ZFTRAF1: variants seen among roughly 807,000 people sequenced by gnomAD.
The protein encoded by ZFTRAF1 is zinc finger TRAF-type and ring finger containing 1, also known as zinc finger TRAF-type-containing protein 1.
chr8:144,451,297 G>C, the ZFTRAF1 span: 1 of 155,360 alleles, frequency 6.4e-6, no homozygotes, highest in African/African-American at 2.4e-5. Context: ...CTCTTGGGCA[G>C]CCCACAGCCT....
chr8:144,459,735 G>A, the ZFTRAF1 span, among the ~76,000 whole-genome samples: 4 of 152,136 alleles, frequency 2.6e-5, no homozygotes, highest in African/African-American at 9.7e-5. Context: ...AACACACAAA[G>A]CTCAGCATGG....
the ZFTRAF1 span, among the ~76,000 whole-genome samples, chr8:144,460,221 C>T: frequency 5.8e-3 from 880 of 152,334 alleles, 10 homozygotes; most frequent in African/African-American, 0.02. Context: ...CTGAACAGAG[C>T]CCCCAGGCCA....
the ZFTRAF1 span, chr8:144,452,269 A>G: frequency 7.1e-7 from 1 of 1,407,924 alleles, no homozygotes; most frequent in South Asian, 1.2e-5. Flanking sequence ...GTCAGTGCCC[A>G]GTGCCCAGAG....
At chr8:144,462,003 T>G in the ZFTRAF1 span, among the ~76,000 whole-genome samples, 1 of 151,694 alleles carries the variant, frequency 6.6e-6, no homozygotes, top group East Asian at 1.9e-4. Flanking sequence ...AAGGGAGAGG[T>G]AAGCGGAAGA....
chr8:144,459,142 G>C, the ZFTRAF1 span, among the ~76,000 whole-genome samples: 1 of 152,232 alleles, frequency 6.6e-6, no homozygotes, highest in African/African-American at 2.4e-5. Context: ...CAACGTCCCG[G>C]GCACCGCTGA....
At chr8:144,452,653 C>T in the ZFTRAF1 span, 40 of 1,304,436 alleles carry the variant, frequency 3.1e-5, no homozygotes, top group South Asian at 4.6e-4. Context: ...GGCTTCCATC[C>T]AGCTAAGAAC....
chr8:144,458,114 G>C, the ZFTRAF1 span, among the ~76,000 whole-genome samples: 2 of 152,244 alleles, frequency 1.3e-5, no homozygotes, highest in Admixed American at 1.3e-4. Context: ...AATCAAACAT[G>C]GGTCTGAGAG....
the ZFTRAF1 span, among the ~76,000 whole-genome samples, chr8:144,461,790 G>A: frequency 2.6e-5 from 4 of 152,188 alleles, no homozygotes; most frequent in African/African-American, 7.2e-5. Flanking sequence ...AAAAGGAGGC[G>A]TCCATAGGAT....
At chr8:144,462,474 C>A in the ZFTRAF1 span, 91 of 204,862 alleles carry the variant, frequency 4.4e-4, no homozygotes, top group East Asian at 6.7e-3. Context: ...AGCTGCCGGG[C>A]GCCCGCCAAG....
the ZFTRAF1 span, chr8:144,453,155 G>T: frequency 7.1e-7 from 1 of 1,407,538 alleles, no homozygotes; most frequent in Non-Finnish European, 9.7e-7. Context: ...GGGCCCTGCT[G>T]CACCAGGGTG....
chr8:144,452,878 G>T, the ZFTRAF1 span, among the ~76,000 whole-genome samples: 1 of 152,242 alleles, frequency 6.6e-6, no homozygotes, highest in Admixed American at 6.5e-5. Context: ...CTTGGTGGCT[G>T]CCTCCACTGG....
At chr8:144,451,819 C>T in the ZFTRAF1 span, 1 of 196,636 alleles carries the variant, frequency 5.1e-6, no homozygotes, top group Non-Finnish European at 1.1e-5. Context: ...TGTGGGTGTC[C>T]ACTCCCGGTT....
chr8:144,452,235 T>C, the ZFTRAF1 span: 2 of 1,131,542 alleles, frequency 1.8e-6, no homozygotes, highest in Non-Finnish European at 2.6e-6. Flanking sequence ...CGGGAGCTTG[T>C]CCAGAGCCCG....
At chr8:144,450,807 T>A in the ZFTRAF1 span, 36 of 669,688 alleles carry the variant, frequency 5.4e-5, no homozygotes, top group African/African-American at 6.0e-4. Flanking sequence ...AGCCGGCTGT[T>A]AGTGTGGGCA....
At chr8:144,453,622 T>C in the ZFTRAF1 span, 1 of 636,608 alleles carries the variant, frequency 1.6e-6, no homozygotes, top group Non-Finnish European at 2.7e-6. Context: ...TGGTGAACAC[T>C]GCGAGCTGCT....
chr8:144,456,676 G>A, the ZFTRAF1 span: 2 of 152,174 alleles, frequency 1.3e-5, no homozygotes, highest in African/African-American at 2.4e-5. Context: ...TGTCAGAGGG[G>A]TGACATCGTG....
chr8:144,462,270 C>A, the ZFTRAF1 span: 5 of 564,568 alleles, frequency 8.9e-6, no homozygotes, highest in African/African-American at 8.1e-5. Flanking sequence ...TCGGGGTCGG[C>A]CGGCGGCCCT....
At chr8:144,450,582 G>A in the ZFTRAF1 span, 1 of 718,204 alleles carries the variant, frequency 1.4e-6, no homozygotes, top group South Asian at 1.5e-5. Context: ...CACTCCAGCG[G>A]TGCCGTGACC....
the ZFTRAF1 span, chr8:144,450,023 G>C: frequency 7.0e-6 from 2 of 287,356 alleles, no homozygotes; most frequent in Admixed American, 9.2e-5. Flanking sequence ...AACCCGCAGG[G>C]ATGGAGCAGC....
Sources: allele counts gnomAD v4.1 joint callset (sites outside exome capture counted in the v4.1 genomes callset), GRCh38; gene constraint gnomAD v4.1.1; transcripts MANE v1.5; gene names NCBI Gene and HGNC (gene_info 2026-07-23, HGNC 2026-07-21).